Variants in PANX2 observed in about 807,000 individuals in gnomAD.
PANX2 encodes pannexin-2.
Under a neutral mutation model 38.7 loss-of-function variants are expected in PANX2, and 30 were observed. The ratio of observed to expected loss-of-function variants is 0.78; its 90% CI spans 0.58 to 1.05. PANX2 has a LOEUF of 1.05. Ranked by LOEUF, PANX2 falls within the 50% of genes least tolerant of loss-of-function variation. The probability of loss-of-function intolerance (pLI) is 0.00; values close to 1 mark genes in which losing one functional copy is unlikely to be tolerated. For synonymous variants in PANX2, 539 were observed against 472.1 expected (o/e 1.14, Z -1.84); for missense variants, 880 against 979.3 (o/e 0.90, Z 1.35).
In PANX2 at chr22:50,170,811, G is replaced by C. The variant is rs377451198; in HGVS notation, c.81G>C (p.Pro27=). 3 of 1,466,442 alleles carry C rather than the reference G, an allele frequency of 2.0e-6. No homozygotes were observed. The highest frequency in any genetic ancestry group is 9.1e-7 in the Non-Finnish European group (1 of 1,103,758). The allele number at this position is 1,466,442 out of a possible 1,614,324, so 90.8% of individuals were successfully genotyped here. ...AGAAGCTGCGGGAGCTGATCCTGCC[G>C]GGCGCGCAGGACGACAAGGCGGGCG... ...AGEKLRELIL[P]GAQDDKAGAL... Residue 27 remains proline (P), a synonymous_variant, in exon 1 of 3, where the codon CCG becomes CCC. Transcript: ENST00000395842.
intron 1 of PANX2, among the ~76,000 whole-genome samples, chr22:50,174,981 C>T (rs2063654223): frequency 6.6e-6 from 1 of 152,214 alleles, no homozygotes; most frequent in African/African-American, 2.4e-5. Flanking sequence ...GGAGGGAAGC[C>T]TTGCTGGACA....
intron 1 of PANX2, among the ~76,000 whole-genome samples, chr22:50,175,162 G>C (rs1321311539): frequency 6.6e-6 from 1 of 152,222 alleles, no homozygotes; most frequent in African/African-American, 2.4e-5. Flanking sequence ...TCGGGTCCAA[G>C]TGGGGCTCCG....
rs764063130 is a variant in PANX2, at chr22:50,178,998, G to A, written c.1755G>A (p.Ser585=). 6.2e-7 allele frequency: 1 copy of A among 1,608,688 alleles called. No individual in the cohort carries two copies. Among genetic ancestry groups the A allele is most frequent in the South Asian group, 1.1e-5 (1 of 90,804 alleles). The change falls in exon 3 of 3, where the codon TCG becomes TCA. Residue 585 remains serine, a synonymous_variant. Transcript: ENST00000395842. ...PTEPARAGLP[S]GGPFHVRSPP... Reference sequence around the variant, plus strand: ...AGCCAGCCCGGGCAGGGCTTCCCTCGGGGGGCCCGTTCCACGTCCGCTCAC... The same window carrying A: ...AGCCAGCCCGGGCAGGGCTTCCCTCAGGGGGCCCGTTCCACGTCCGCTCAC...
chr22:50,176,175 C>T (rs527934228), intron 1 of PANX2, among the ~76,000 whole-genome samples: 1 of 152,396 alleles, frequency 6.6e-6, no homozygotes, highest in East Asian at 1.9e-4. Context: ...GCGCGAATGT[C>T]CTGAACACTT....
At position 50,177,316 on chromosome 22, in the gene PANX2, G is replaced by T. The variant is rs1391383259; in HGVS notation, c.604G>T (p.Glu202Ter). The change falls in exon 2 of 3, where the codon GAG (glutamate) becomes TAG (stop). Residue 202 changes from glutamate to a stop codon, truncating the protein, a stop_gained. Transcript: ENST00000395842. LOFTEE classifies it high-confidence loss of function. ...CGAGATCATCGAGAACGCGGAGAAG[G>T]AGAAGAGCCCGGAGCAGAACCTGTT... Reference protein sequence around the residue: ...KREIIENAEKEKSPEQNLFEK... With the variant: ...KREIIENAEK The T allele has an allele frequency of 1.2e-6, 2 of 1,611,370 alleles. No homozygotes were observed. The highest frequency in any genetic ancestry group is 1.7e-6 in the Non-Finnish European group (2 of 1,179,360).
Position 50,177,645 on chromosome 22 carries a change from C to T in PANX2, c.933C>T (p.His311=), listed in dbSNP as rs760790742. The T allele has an allele frequency of 3.1e-6, 5 of 1,612,856 alleles. No homozygotes were observed. The highest frequency in any genetic ancestry group is 2.7e-5 in the African/African-American group (2 of 75,078). The part of the protein sequence containing the change: ...MNLIILVNLI[H]LFIFRKSNFI... ...TCATCATCCTCGTCAACCTCATCCA[C>T]CTCTTCATCTTCCGCAAGAGCAACT... Residue 311 remains histidine, a synonymous_variant, in exon 2 of 3, where the codon CAC becomes CAT. Coordinates refer to ENST00000395842, the MANE Select transcript of PANX2 (RefSeq NM_052839.4).
chr22:50,178,625 C>G (rs2063679580), intron 2 of PANX2, among the ~76,000 whole-genome samples: 1 of 152,224 alleles, frequency 6.6e-6, no homozygotes, highest in South Asian at 2.1e-4. Flanking sequence ...TGGAGACCCC[C>G]CCGGGAGGCA....
rs577626429 is a variant in PANX2, at chr22:50,177,178, T to C, written c.466T>C (p.Phe156Leu). 2.1e-5 allele frequency: 33 copies of C among 1,609,496 alleles called. No homozygotes were observed. In the Admixed American group the frequency reaches 3.9e-4, roughly 19 times the overall value. The change falls in exon 2 of 3, where the codon TTC becomes CTC. Residue 156 changes from phenylalanine (F) to leucine (L), a missense_variant. Coordinates refer to ENST00000395842, the MANE Select transcript of PANX2 (RefSeq NM_052839.4). ...CACGCGCCTCACCTCCGAGCTCAAC[T>C]TCCTGCTGCAGGAGATCGACAACTG... is the stretch of plus-strand genomic sequence containing the variant. ...ASTRLTSELN[F>L]LLQEIDNCYH...
In PANX2 at chr22:50,177,936, C is replaced by T. The variant is rs760403425; in HGVS notation, c.1224C>T (p.Ser408=). Residue 408 remains serine, a synonymous_variant, in exon 2 of 3, where the codon AGC becomes AGT. Coordinates refer to ENST00000395842, the MANE Select transcript of PANX2 (RefSeq NM_052839.4). ...CGGGGGTGCAGACCGTGGACCCCAGCGCCAACCCCGCCGAGCCCGACGGCG... is the reference window on the plus strand; with the variant it reads ...CGGGGGTGCAGACCGTGGACCCCAGTGCCAACCCCGCCGAGCCCGACGGCG... The part of the protein sequence containing the change: ...RDSGVQTVDP[S]ANPAEPDGAA... 7.8e-6 allele frequency: 12 copies of T among 1,531,114 alleles called. No homozygotes were observed. The highest frequency in any genetic ancestry group is 3.4e-4 in the Middle Eastern group (2 of 5,958). The allele number at this position is 1,531,114 out of a possible 1,614,324, so 94.8% of individuals were successfully genotyped here. A position where few individuals can be genotyped will look rare whatever the true frequency, so the allele number is the denominator to read the frequency against.
intron 1 of PANX2, among the ~76,000 whole-genome samples, chr22:50,176,692 C>T (rs1019386492): frequency 2.6e-5 from 4 of 152,150 alleles, no homozygotes; most frequent in African/African-American, 4.8e-5. Context: ...GTTTCGCAGG[C>T]GGTCATGGCT....
intron 2 of PANX2, among the ~76,000 whole-genome samples, chr22:50,178,718 G>C (rs1283268888): frequency 6.6e-6 from 1 of 152,174 alleles, no homozygotes; most frequent in Non-Finnish European, 1.5e-5. Context: ...CAAGTTCCTC[G>C]GGTGAGGAAA....
intron 1 of PANX2, among the ~76,000 whole-genome samples, chr22:50,176,687 G>A (rs1447314904): frequency 6.6e-6 from 1 of 152,200 alleles, no homozygotes; most frequent in Non-Finnish European, 1.5e-5. Context: ...AGGTGGTTTC[G>A]CAGGCGGTCA....
Position 50,177,609 on chromosome 22 carries a change from C to G in PANX2, c.897C>G (p.Cys299Trp). 6.2e-7 allele frequency: 1 copy of G among 1,612,938 alleles called. No homozygotes were observed. Among genetic ancestry groups the G allele is most frequent in the Non-Finnish European group, 8.5e-7 (1 of 1,179,976 alleles). Reference sequence around the variant, plus strand: ...CGGGCGTGGACATCGTGCTGCTGTGCGTCATGAACCTCATCATCCTCGTCA... The same window carrying G: ...CGGGCGTGGACATCGTGCTGCTGTGGGTCATGAACCTCATCATCCTCGTCA... ...IIAGVDIVLL[C>W]VMNLIILVNL... The change falls in exon 2 of 3, where the codon TGC (cysteine) becomes TGG (tryptophan). Residue 299 changes from cysteine to tryptophan, a missense_variant. This residue lies in a region of PANX2 where 114 missense variants were observed against 108.8 expected (regional missense o/e 1.05). Coordinates refer to ENST00000395842, the MANE Select transcript of PANX2 (RefSeq NM_052839.4).
intron 1 of PANX2, among the ~76,000 whole-genome samples, chr22:50,176,590 G>C (rs914579601): frequency 6.6e-6 from 1 of 152,260 alleles, no homozygotes; most frequent in African/African-American, 2.4e-5. Flanking sequence ...CCCTGGCTGG[G>C]AGTCCTGGCC....
At chr22:50,173,384 C>A (rs1223968762) in intron 1 of PANX2, among the ~76,000 whole-genome samples, 2 of 152,272 alleles carry the variant, frequency 1.3e-5, no homozygotes, top group Non-Finnish European at 2.9e-5. Context: ...CCCCGAGCAC[C>A]CTCCCAGGAG....
intron 2 of PANX2, 102 bp downstream of exon 2, chr22:50,178,504 A>AG: frequency 1.4e-6 from 1 of 714,242 alleles, no homozygotes; most frequent in Non-Finnish European, 2.1e-6. Flanking sequence ...TAGGGAAGGG[A>AG]GGGGGCCTGG....
chr22:50,172,471 G>A lies in PANX2; in HGVS notation c.226+1515G>A, dbSNP rs1025022651. On this transcript the variant is annotated intron_variant, in intron 1 of 2. Coordinates refer to ENST00000395842, the MANE Select transcript of PANX2 (RefSeq NM_052839.4). ...TTTTGAGACAGAGTCTTGGTATGTC[G>A]CCCAGGCTGGAGTGCGGTGGTGCGA... is the stretch of plus-strand genomic sequence containing the variant. 3.3e-5 allele frequency among the ~76,000 whole-genome samples: 5 copies of A among 151,946 alleles called. No homozygotes were observed. The East Asian group carries it at 5.8e-4, about 18-fold the overall frequency.
rs773328926 is a variant in PANX2 at position 50,178,978 on chromosome 22, G to A, written c.1735G>A (p.Ala579Thr). The A allele has an allele frequency of 1.9e-6, 3 of 1,605,510 alleles. No homozygotes were observed. The highest frequency in any genetic ancestry group is 1.7e-4 in the Middle Eastern group (1 of 6,042). ...GGAAATCCCGTACCCCACAGAGCCA[G>A]CCCGGGCAGGGCTTCCCTCGGGGGG... ...EKEIPYPTEP[A>T]RAGLPSGGPF... Residue 579 changes from alanine to threonine, a missense_variant, in exon 3 of 3, where the codon GCC (alanine) becomes ACC (threonine). Physicochemically the swap from Ala to Thr is moderately conservative, Grantham distance 58 (BLOSUM62 0). This residue lies in a region of PANX2 where 445 missense variants were observed against 404.3 expected (regional missense o/e 1.10). Coordinates refer to ENST00000395842, the MANE Select transcript of PANX2 (RefSeq NM_052839.4).
At chr22:50,175,039 A>G (rs2063654593) in intron 1 of PANX2, among the ~76,000 whole-genome samples, 1 of 152,202 alleles carries the variant, frequency 6.6e-6, no homozygotes, top group African/African-American at 2.4e-5. Flanking sequence ...CAGTGAGTCA[A>G]GGCAGTATCC....
Sources: allele counts gnomAD v4.1 joint callset (sites outside exome capture counted in the v4.1 genomes callset), GRCh38; gene constraint gnomAD v4.1.1; regional missense constraint gnomAD v4.1.1; transcripts MANE v1.5; gene names NCBI Gene and HGNC (gene_info 2026-07-23, HGNC 2026-07-21).